The following FAM13A variants were observed in gnomAD, a reference collection of about 807,000 sequenced individuals.
FAM13A encodes family with sequence similarity 13 member A.
In FAM13A, 76 loss-of-function variants were observed where a neutral mutation model predicts 129.6. The ratio of observed to expected loss-of-function variants is 0.59; its 90% CI spans 0.49 to 0.71. FAM13A has a LOEUF of 0.71. Ranked by LOEUF, FAM13A falls within the 30% of genes least tolerant of loss-of-function variation. The pLI, the probability that FAM13A is intolerant of heterozygous loss-of-function variation, is 0.00. For synonymous variants in FAM13A, 443 were observed against 449.9 expected (o/e 0.98, Z 0.20); for missense variants, 1,108 against 1,249.3 (o/e 0.89, Z 1.70).
intron 4 of FAM13A, among the ~76,000 whole-genome samples, chr4:88,985,565 G>C (rs1762127891): frequency 6.6e-6 from 1 of 152,250 alleles, no homozygotes; most frequent in East Asian, 1.9e-4. Context: ...CTCTTGGCAA[G>C]ACTGAAAAAT....
chr4:88,776,873 C>T (rs1228436180), intron 11 of FAM13A, among the ~76,000 whole-genome samples: 2 of 152,116 alleles, frequency 1.3e-5, no homozygotes, highest in African/African-American at 4.8e-5. Context: ...ACTCAGGAGG[C>T]TGAGGCAGGA....
intron 14 of FAM13A, among the ~76,000 whole-genome samples, chr4:88,757,625 C>A (rs549691189): frequency 6.6e-6 from 1 of 152,274 alleles, no homozygotes; most frequent in Non-Finnish European, 1.5e-5. Context: ...CTGACAAAAT[C>A]TGAAACCCAC....
chr4:88,793,140 G>C (rs560142773), intron 8 of FAM13A, among the ~76,000 whole-genome samples: 2 of 151,976 alleles, frequency 1.3e-5, no homozygotes, highest in South Asian at 4.2e-4. Context: ...TCTTATCTTC[G>C]CAACTAAAAT....
chr4:89,046,572 G>A (rs575914446), intron 1 of FAM13A, among the ~76,000 whole-genome samples: 11 of 152,126 alleles, frequency 7.2e-5, no homozygotes, highest in Non-Finnish European at 1.6e-4. Flanking sequence ...AAGAGTGGCC[G>A]GGCACAGTAG....
At chr4:88,861,955 G>A (rs1234740782) in intron 6 of FAM13A, among the ~76,000 whole-genome samples, 1 of 152,190 alleles carries the variant, frequency 6.6e-6, no homozygotes, top group East Asian at 1.9e-4. Context: ...GATTTGACTT[G>A]TGGCAATCTG....
intron 6 of FAM13A, among the ~76,000 whole-genome samples, chr4:88,885,578 C>T (rs566929416): frequency 6.6e-6 from 1 of 152,256 alleles, no homozygotes; most frequent in South Asian, 2.1e-4. Context: ...CTGGAAAACC[C>T]CTTCTAGACA....
intron 6 of FAM13A, among the ~76,000 whole-genome samples, chr4:88,880,788 G>GGC (rs1743412181): frequency 7.4e-6 from 1 of 134,788 alleles, no homozygotes; most frequent in East Asian, 2.7e-4. Flanking sequence ...GGGGGCGGGG[G>GGC]GGGGGGGGGC....
At chr4:88,854,074 T>C (rs1002591431) in intron 6 of FAM13A, among the ~76,000 whole-genome samples, 2 of 152,338 alleles carry the variant, frequency 1.3e-5, no homozygotes, top group East Asian at 3.9e-4. Flanking sequence ...AGACAGCCTA[T>C]TGTGGGACTT....
intron 4 of FAM13A, among the ~76,000 whole-genome samples, chr4:88,952,522 A>G (rs1402437859): frequency 5.9e-5 from 9 of 152,188 alleles, no homozygotes; most frequent in Admixed American, 5.9e-4. Flanking sequence ...ATCCTCATAT[A>G]TCTTAGTTAA....
intron 6 of FAM13A, among the ~76,000 whole-genome samples, chr4:88,852,555 A>AGTGCAGTGGCGTG (rs1330758919): frequency 2.0e-5 from 3 of 152,108 alleles, no homozygotes; most frequent in African/African-American, 7.2e-5. Context: ...CTGATACTTT[A>AGTGCAGTGGCGTG]ATCTAAGTTT....
intron 3 of FAM13A, among the ~76,000 whole-genome samples, chr4:88,998,337 A>T (rs182278887): frequency 6.6e-6 from 1 of 152,324 alleles, no homozygotes; most frequent in East Asian, 1.9e-4. Flanking sequence ...GCCTGTCCAC[A>T]TTCACCCAGG....
chr4:88,989,763 G>A (rs1301491194), intron 4 of FAM13A: 1 of 152,138 alleles, frequency 6.6e-6, no homozygotes, highest in Non-Finnish European at 1.5e-5. Flanking sequence ...TCCAGATCAA[G>A]CCCAATGTCT....
At chr4:88,817,480 T>G (rs2149807764) in intron 7 of FAM13A, among the ~76,000 whole-genome samples, 1 of 152,132 alleles carries the variant, frequency 6.6e-6, no homozygotes, top group East Asian at 1.9e-4. Context: ...GGGGAATTGC[T>G]TGAACCCAGG....
chr4:88,878,105 C>G (rs13125590), intron 6 of FAM13A, among the ~76,000 whole-genome samples: 38,749 of 151,544 alleles, frequency 0.26, 5,769 homozygotes, highest in Middle Eastern at 0.37. Flanking sequence ...CTGGCTAACA[C>G]GGTGAAACCC....
chr4:88,765,523 T>C (rs997948983), intron 13 of FAM13A, among the ~76,000 whole-genome samples: 1 of 152,190 alleles, frequency 6.6e-6, no homozygotes, highest in Non-Finnish European at 1.5e-5. Flanking sequence ...GAAAACTAGA[T>C]TAAATATTGG....
At chr4:88,823,235 T>G (rs1026852737) in intron 7 of FAM13A, 6 of 1,347,002 alleles carry the variant, frequency 4.5e-6, no homozygotes, top group African/African-American at 3.0e-5. Context: ...ACATTTACAC[T>G]GCAGTCCACT....
chr4:88,950,648 T>C (rs116602398), intron 4 of FAM13A, among the ~76,000 whole-genome samples: 1,763 of 152,322 alleles, frequency 0.012, 45 homozygotes, highest in African/African-American at 0.04. Flanking sequence ...AGAGTGACAG[T>C]GTTAGCATCT....
rs141450142 is a variant in FAM13A, at chr4:88,935,626, A to T, written c.759+2462T>A. On this transcript the variant is annotated intron_variant, in intron 5 of 23. Coordinates refer to ENST00000264344, the MANE Select transcript of FAM13A (RefSeq NM_014883.4). ...TCTTTTTCAGTATATTAATAGTTTC[A>T]TTCTGAGATTCTCAATTTCTTTTAA... is the stretch of plus-strand genomic sequence containing the variant. 3.4e-3 allele frequency among the ~76,000 whole-genome samples: 517 copies of T among 152,212 alleles called. 1 individual carries two copies. Among genetic ancestry groups the T allele is most frequent in the Non-Finnish European group, 4.9e-3 (332 of 68,008 alleles).
chr4:89,023,953 C>T (rs920324806), intron 2 of FAM13A, among the ~76,000 whole-genome samples: 3 of 152,172 alleles, frequency 2.0e-5, no homozygotes, highest in Non-Finnish European at 4.4e-5. Context: ...ATTTGGATGA[C>T]TTCATGAAGC....
Sources: gnomAD v4.1 joint callset for allele counts (sites outside exome capture counted in the v4.1 genomes callset) on GRCh38, gnomAD v4.1.1 for gene constraint, MANE v1.5 for transcripts, NCBI Gene and HGNC (gene_info 2026-07-23, HGNC 2026-07-21) for gene names.